Variants in SLC6A6 observed in about 807,000 individuals in gnomAD.
SLC6A6 encodes solute carrier family 6 member 6.
SLC6A6 carries 16 observed loss-of-function variants against 68.8 expected under a neutral mutation model. That is an observed-to-expected ratio of 0.23 (90% CI 0.16 to 0.35). SLC6A6 has a LOEUF of 0.35. Ranked by LOEUF, SLC6A6 falls within the 10% of genes least tolerant of loss-of-function variation. The pLI is 1.00. For synonymous variants in SLC6A6, 312 were observed against 315.4 expected (o/e 0.99, Z 0.12); for missense variants, 474 against 802.8 (o/e 0.59, Z 4.95).
intron 2 of SLC6A6, among the ~76,000 whole-genome samples, chr3:14,437,759 C>A (rs1420270373): frequency 6.6e-6 from 1 of 151,776 alleles, no homozygotes; most frequent in Admixed American, 6.6e-5. Context: ...TTTTGACCAG[C>A]AATTCCCCAA....
Position 14,468,494 on chromosome 3 carries a change from C to A in SLC6A6, c.1096+282C>A, listed in dbSNP as rs937031210. Among the ~76,000 whole-genome samples the A allele has an allele frequency of 6.6e-6, 1 of 152,118 alleles. No individual in the cohort carries two copies. Among genetic ancestry groups the A allele is most frequent in the Admixed American group, 6.5e-5 (1 of 15,278 alleles). ...CCTTAGTGTGGTCTTCCCCGCCCCC[C>A]CGTCCTTCCCCAGCAAACTCCTGGT... On this transcript the variant is annotated intron_variant, in intron 9 of 14. Coordinates refer to ENST00000622186, the MANE Select transcript of SLC6A6 (RefSeq NM_003043.6). This position sits in a 1 kb window ranked among gnomAD's most constrained non-coding sequence, Gnocchi z 4.5.
intron 2 of SLC6A6, among the ~76,000 whole-genome samples, 158 bp from the exon 3 acceptor site, chr3:14,443,466 G>T (rs1700038070): frequency 6.6e-6 from 1 of 152,160 alleles, no homozygotes; most frequent in South Asian, 2.1e-4. Flanking sequence ...GACTCCTGAT[G>T]TTGCTGTCAA....
At chr3:14,466,222 A>G (rs1226763276) in intron 6 of SLC6A6, among the ~76,000 whole-genome samples, 1 of 148,910 alleles carries the variant, frequency 6.7e-6, no homozygotes, top group African/African-American at 2.5e-5. Context: ...AGATCGTGCC[A>G]TTGCACTCCA....
chr3:14,481,276 G>C lies in SLC6A6; in HGVS notation c.1552-395G>C, dbSNP rs1333294890. On this transcript the variant is annotated intron_variant, in intron 13 of 14. Coordinates refer to ENST00000622186, the MANE Select transcript of SLC6A6 (RefSeq NM_003043.6). The surrounding 1 kb of genome is among the most constrained non-coding windows in gnomAD (Gnocchi z 4.7). ...GATGTGGGGGAAAGAGGGCCAGGCA[G>C]AGGAAACAGCCCATGCCAAGACCCA... Among the ~76,000 whole-genome samples, 1 of 152,112 alleles carries C rather than the reference G, an allele frequency of 6.6e-6. No homozygotes were observed. Among genetic ancestry groups the C allele is most frequent in the Non-Finnish European group, 1.5e-5 (1 of 68,030 alleles).
chr3:14,479,155 C>G lies in SLC6A6; in HGVS notation c.1521C>G (p.Ser507Arg). 1 of 1,612,790 alleles carries G rather than the reference C, an allele frequency of 6.2e-7. No homozygotes were observed. The highest frequency in any genetic ancestry group is 8.5e-7 in the Non-Finnish European group (1 of 1,178,762). Residue 507 changes from serine to arginine, a missense_variant, in exon 13 of 15, where the codon AGC becomes AGG. Around this residue, in one of 2 missense-constraint regions of SLC6A6, gnomAD observed 194 missense variants for 269.8 expected, o/e 0.72. Transcript: ENST00000622186. ...GGCCCGGGCCCTGGATGAAGTACAG[C>G]TGGGCTGTGATCACTCCAGTTCTCT... ...GYRPGPWMKY[S>R]WAVITPVLCV...
Position 14,485,159 on chromosome 3 carries a change from C to CATGTGTGT in SLC6A6, c.*152_*153insATGTGTGT. 2.2e-6 allele frequency: 1 copy of CATGTGTGT among 463,144 alleles called. No individual in the cohort carries two copies. Among genetic ancestry groups the CATGTGTGT allele is most frequent in the Middle Eastern group, 5.2e-4 (1 of 1,916 alleles). 28.7% of individuals were successfully genotyped at this position (463,144 alleles called of 1,614,324 possible). On this transcript the variant is annotated 3_prime_UTR_variant, in exon 15 of 15. Transcript: ENST00000622186. ...ATGTAATTGTGGGTATGTGTGCGTG[C>CATGTGTGT]GTGTGTGTGTGTGTGTGTATCGTGT... is the stretch of plus-strand genomic sequence containing the variant.
chr3:14,479,928 G>A (rs761257795), intron 13 of SLC6A6, among the ~76,000 whole-genome samples: 2 of 152,180 alleles, frequency 1.3e-5, no homozygotes, highest in East Asian at 1.9e-4. Flanking sequence ...TGCCATTCAC[G>A]GCTCCACTAT....
At chr3:14,428,827 T>A (rs1699659055) in intron 2 of SLC6A6, among the ~76,000 whole-genome samples, 1 of 152,088 alleles carries the variant, frequency 6.6e-6, no homozygotes, top group Non-Finnish European at 1.5e-5. Flanking sequence ...AAGGGACAGG[T>A]GTTTCTGCTG....
rs749438624 is a variant in SLC6A6, at chr3:14,416,407, A to C, written c.-53-5A>C. The C allele has an allele frequency of 5.0e-5, 20 of 398,650 alleles. No individual in the cohort carries two copies. The highest frequency in any genetic ancestry group is 8.8e-5 in the Non-Finnish European group (20 of 226,178). 24.7% of individuals were successfully genotyped at this position (398,650 alleles called of 1,614,324 possible). A position where few individuals can be genotyped will look rare whatever the true frequency, so the allele number is the denominator to read the frequency against. Reference sequence around the variant, plus strand: ...TTCCGTCTTCGCTTCCTCTCTTTGCAATAGATCCAGAACCAGAACCACAGC... The same window carrying C: ...TTCCGTCTTCGCTTCCTCTCTTTGCCATAGATCCAGAACCAGAACCACAGC... On this transcript the variant is annotated splice_region_variant and splice_polypyrimidine_tract_variant and intron_variant, in intron 1 of 14. Transcript: ENST00000622186.
intron 2 of SLC6A6, among the ~76,000 whole-genome samples, chr3:14,438,380 G>A (rs35174328): frequency 0.25 from 38,493 of 152,068 alleles, 4,934 homozygotes; most frequent in South Asian, 0.32. Flanking sequence ...CTTGCTCTGG[G>A]TCACACAGCT....
intron 2 of SLC6A6, among the ~76,000 whole-genome samples, chr3:14,421,581 G>GT (rs1179183621): frequency 1.3e-5 from 2 of 152,214 alleles, no homozygotes; most frequent in Non-Finnish European, 2.9e-5. Flanking sequence ...GTTATTGCTC[G>GT]TAGTATTGTG....
At chr3:14,408,481 C>A (rs976136856) in intron 1 of SLC6A6, among the ~76,000 whole-genome samples, 9 of 151,990 alleles carry the variant, frequency 5.9e-5, no homozygotes, top group African/African-American at 1.9e-4. Context: ...ACTACCGGCA[C>A]GTGCCATTAT....
intron 1 of SLC6A6, among the ~76,000 whole-genome samples, chr3:14,413,026 G>A (rs1367166845): frequency 6.6e-6 from 1 of 152,220 alleles, no homozygotes; most frequent in Non-Finnish European, 1.5e-5. Context: ...GCTTTTCAAG[G>A]CAGCCAAGTC....
chr3:14,471,222 T>G (rs1700746085), intron 9 of SLC6A6, among the ~76,000 whole-genome samples: 1 of 151,716 alleles, frequency 6.6e-6, no homozygotes, highest in Non-Finnish European at 1.5e-5. Flanking sequence ...ACAATTAAAT[T>G]ATTTCCGTTG....
At chr3:14,459,460 C>T (rs989017799) in intron 6 of SLC6A6, among the ~76,000 whole-genome samples, 1 of 152,072 alleles carries the variant, frequency 6.6e-6, no homozygotes, top group Non-Finnish European at 1.5e-5. Context: ...CTGTGCACCC[C>T]CCTCCAACAC....
chr3:14,462,150 T>C (rs886339361), intron 6 of SLC6A6, among the ~76,000 whole-genome samples: 1 of 152,178 alleles, frequency 6.6e-6, no homozygotes, highest in Non-Finnish European at 1.5e-5. Flanking sequence ...AGCCTGTCCC[T>C]TGGGGATCCC....
At chr3:14,455,549 A>C (rs1700347846) in intron 5 of SLC6A6, among the ~76,000 whole-genome samples, 1 of 152,244 alleles carries the variant, frequency 6.6e-6, no homozygotes, top group African/African-American at 2.4e-5. Context: ...AGCGTGGGAC[A>C]GGACAGCGGA....
Position 14,485,388 on chromosome 3 carries a change from C to T in SLC6A6, c.*381C>T, listed in dbSNP as rs1002125713. On this transcript the variant is annotated 3_prime_UTR_variant, in exon 15 of 15. Coordinates refer to ENST00000622186, the MANE Select transcript of SLC6A6 (RefSeq NM_003043.6). ...TACTTTTACCACTTGAATTGATCTT[C>T]TTGCCAGCAATAGATCTCATTTTCA... The T allele has an allele frequency of 6.3e-6, 1 of 157,516 alleles. No individual in the cohort carries two copies. The highest frequency in any genetic ancestry group is 1.4e-5 in the Non-Finnish European group (1 of 71,432). 9.8% of individuals were successfully genotyped at this position (157,516 alleles called of 1,614,324 possible). A position where few individuals can be genotyped will look rare whatever the true frequency, so the allele number is the denominator to read the frequency against.
At chr3:14,409,042 T>G (rs7650618) in intron 1 of SLC6A6, among the ~76,000 whole-genome samples, 1 of 152,056 alleles carries the variant, frequency 6.6e-6, no homozygotes, top group Non-Finnish European at 1.5e-5. Context: ...TCTCCTGACC[T>G]GGTGATCTGC....
Sources: allele counts gnomAD v4.1 joint callset (sites outside exome capture counted in the v4.1 genomes callset), GRCh38; gene constraint gnomAD v4.1.1; regional missense constraint gnomAD v4.1.1; non-coding constraint Gnocchi (gnomAD v3.1); transcripts MANE v1.5; gene names NCBI Gene and HGNC (gene_info 2026-07-23, HGNC 2026-07-21).